Variants in FBXL13 observed in about 807,000 individuals in gnomAD.
FBXL13 encodes F-box and leucine-rich repeat protein 13.
In FBXL13, 67 loss-of-function variants were observed where a neutral mutation model predicts 83.6. The ratio of observed to expected loss-of-function variants is 0.80; its 90% confidence interval spans 0.66 to 0.98. The LOEUF is 0.98. FBXL13 is among the 50% of genes least tolerant of loss of function. FBXL13 has a pLI of 0.00. For missense variants in FBXL13, 822 were observed against 866.5 expected, an observed-to-expected ratio of 0.95 and a Z score of 0.64; for synonymous variants, 272 against 299.5, an observed-to-expected ratio of 0.91 and a Z score of 0.95.
chr7:102,824,832 C>T (rs1245339955), intron 18 of FBXL13, among the ~76,000 whole-genome samples: 6 of 148,560 alleles, frequency 4.0e-5, no homozygotes, highest in Non-Finnish European at 8.9e-5. Flanking sequence ...CCATGTTTCC[C>T]AGGCTGGCCT....
intron 17 of FBXL13, among the ~76,000 whole-genome samples, chr7:102,853,208 C>A (rs961705982): frequency 3.5e-4 from 54 of 152,208 alleles, no homozygotes; most frequent in Non-Finnish European, 6.8e-4. Flanking sequence ...TAAAAGACTA[C>A]AAATTGAGTA....
chr7:102,967,240 G>C (rs1469658900), intron 7 of FBXL13, among the ~76,000 whole-genome samples: 1 of 149,706 alleles, frequency 6.7e-6, no homozygotes, highest in Non-Finnish European at 1.5e-5. Context: ...TTATAGGCGT[G>C]AGCTACTGCA....
intron 16 of FBXL13, among the ~76,000 whole-genome samples, chr7:102,867,635 A>G (rs1254630729): frequency 1.4e-5 from 2 of 144,436 alleles, no homozygotes; most frequent in Admixed American, 7.0e-5. Flanking sequence ...GGAGTCCCCA[A>G]GGAACTCTGA....
At chr7:102,904,131 T>C (rs1813387780) in intron 11 of FBXL13, among the ~76,000 whole-genome samples, 1 of 151,864 alleles carries the variant, frequency 6.6e-6, no homozygotes, top group Non-Finnish European at 1.5e-5. Flanking sequence ...TCCCAAGCTT[T>C]TCTTTACTGG....
chr7:102,909,745 C>G (rs1814345468), intron 11 of FBXL13, among the ~76,000 whole-genome samples: 1 of 152,170 alleles, frequency 6.6e-6, no homozygotes, highest in Non-Finnish European at 1.5e-5. Flanking sequence ...CCTGCCGTGG[C>G]TGAGCTGGTA....
intron 11 of FBXL13, among the ~76,000 whole-genome samples, chr7:102,889,530 T>C (rs1454151934): frequency 1.3e-5 from 2 of 152,186 alleles, no homozygotes; most frequent in Admixed American, 6.5e-5. Flanking sequence ...TCATTTACAT[T>C]AGGTATTTCT....
At chr7:102,956,335 C>G (rs570863867) in intron 8 of FBXL13, among the ~76,000 whole-genome samples, 4 of 152,222 alleles carry the variant, frequency 2.6e-5, no homozygotes, top group African/African-American at 7.2e-5. Context: ...ATTCAACAGC[C>G]CTTCATGCTA....
At chr7:102,943,320 T>C (rs557704199) in intron 8 of FBXL13, among the ~76,000 whole-genome samples, 2 of 117,254 alleles carry the variant, frequency 1.7e-5, no homozygotes, top group South Asian at 3.4e-4. Flanking sequence ...AGCATCTTTT[T>C]TTCCCAAGTA....
chr7:102,883,721 T>C (rs1810423238), intron 12 of FBXL13, 36 bp from the exon 14 acceptor site: 1 of 1,325,936 alleles, frequency 7.5e-7, no homozygotes, highest in Non-Finnish European at 1.1e-6. Context: ...TAATCAAGTG[T>C]ACAGAACAGG....
rs1003931407 is a variant in FBXL13 at position 103,049,834 on chromosome 7, C to G, written c.-1+5810G>C. 5.9e-5 allele frequency among the ~76,000 whole-genome samples: 9 copies of G among 152,118 alleles called. No individual in the cohort carries two copies. The East Asian group carries it at 1.7e-3, about 29-fold the overall frequency. On this transcript the variant is annotated intron_variant, in intron 2 of 19. Coordinates refer to ENST00000313221, the Ensembl canonical transcript of FBXL13. ...TTTACCCAAGGTAACCTCACAGGTG[C>G]TCTGAGAAAGGAAAATTCAAGACAG...
At position 103,053,991 on chromosome 7, in the gene FBXL13, C is replaced by G. The variant is rs550071257; in HGVS notation, c.-1+1653G>C. 8.5e-5 allele frequency among the ~76,000 whole-genome samples: 13 copies of G among 152,260 alleles called. No homozygotes were observed. The South Asian group carries it at 2.7e-3, about 32-fold the overall frequency. On this transcript the variant is annotated intron_variant, in intron 2 of 19. Coordinates refer to ENST00000313221, the Ensembl canonical transcript of FBXL13. The stretch of plus-strand genomic sequence containing the variant: ...AACAGATGCCTCAAATTGTTTTTGC[C>G]TCTCAGCCCCCACCTTGAACATGGC...
chr7:103,030,352 T>C (rs1367551571), intron 2 of FBXL13, among the ~76,000 whole-genome samples: 1 of 152,188 alleles, frequency 6.6e-6, no homozygotes, highest in Non-Finnish European at 1.5e-5. Flanking sequence ...GGAGATTAAA[T>C]GCAAATTATG....
intron 16 of FBXL13, 80 bp from the exon 18 acceptor site, chr7:102,854,940 A>G: frequency 1.3e-6 from 1 of 746,480 alleles, no homozygotes; most frequent in Non-Finnish European, 2.1e-6. Context: ...ATTTATACAA[A>G]CTGACAACAT....
chr7:103,012,529 C>T (rs560248386), intron 6 of FBXL13, among the ~76,000 whole-genome samples: 30 of 152,258 alleles, frequency 2.0e-4, no homozygotes, highest in Non-Finnish European at 3.5e-4. Flanking sequence ...ACATAATTTT[C>T]AACCAAGAAC....
chr7:103,009,050 C>T (rs959577373), intron 6 of FBXL13, among the ~76,000 whole-genome samples: 3 of 151,304 alleles, frequency 2.0e-5, no homozygotes. Context: ...TATTTTAAAT[C>T]CTAGAGCAGT....
intron 8 of FBXL13, chr7:102,932,958 A>G (rs1167925713): frequency 1.3e-5 from 2 of 152,268 alleles, no homozygotes; most frequent in Non-Finnish European, 2.9e-5. Flanking sequence ...TATAGCAGTT[A>G]ACGAAATAGA....
intron 2 of FBXL13, among the ~76,000 whole-genome samples, chr7:103,043,552 C>T (rs912147623): frequency 1.3e-5 from 2 of 152,188 alleles, no homozygotes; most frequent in East Asian, 1.9e-4. Flanking sequence ...ACCTCCGTCG[C>T]CGAGGCCGGA....
chr7:102,932,528 C>T (rs1267734137), intron 8 of FBXL13, among the ~76,000 whole-genome samples: 1 of 152,156 alleles, frequency 6.6e-6, no homozygotes, highest in Non-Finnish European at 1.5e-5. Context: ...ATAAATAATT[C>T]AGCATGTATA....
At chr7:102,906,439 T>C (rs1813766024) in intron 11 of FBXL13, among the ~76,000 whole-genome samples, 1 of 152,232 alleles carries the variant, frequency 6.6e-6, no homozygotes. Context: ...TCTGTGTACT[T>C]ACTATTACTG....
Sources: gnomAD v4.1 joint callset for allele counts (sites outside exome capture counted in the v4.1 genomes callset) on GRCh38, gnomAD v4.1.1 for gene constraint, MANE v1.5 for transcripts, NCBI Gene and HGNC (gene_info 2026-07-23, HGNC 2026-07-21) for gene names.